RTN4IP1: variants seen among roughly 807,000 people sequenced by gnomAD.
RTN4IP1 encodes NAD(P)H oxidoreductase RTN4IP1, mitochondrial.
In RTN4IP1, 32 loss-of-function variants were observed where a neutral mutation model predicts 46.6. That is an observed-to-expected ratio of 0.69 (90% CI 0.52 to 0.92). RTN4IP1 has a LOEUF of 0.92. Among genes scored for constraint, RTN4IP1 ranks in the 40% least tolerant of loss-of-function variants. The probability of loss-of-function intolerance (pLI) is 0.00; values close to 1 mark genes in which losing one functional copy is unlikely to be tolerated. For missense variants in RTN4IP1, 424 were observed against 485.8 expected, an observed-to-expected ratio of 0.87 and a Z score of 1.20; for synonymous variants, 167 against 161.8, an observed-to-expected ratio of 1.03 and a Z score of -0.24.
chr6:106,615,185 G>A (rs1776318717), intron 4 of RTN4IP1, among the ~76,000 whole-genome samples: 2 of 152,102 alleles, frequency 1.3e-5, no homozygotes, highest in Admixed American at 1.3e-4. Context: ...AGGGTAATGG[G>A]CTTGGGGAGT....
At chr6:106,576,306 G>A (rs1358856780) in intron 8 of RTN4IP1, among the ~76,000 whole-genome samples, 1 of 152,202 alleles carries the variant, frequency 6.6e-6, no homozygotes, top group Non-Finnish European at 1.5e-5. Context: ...ATTTGGGAAA[G>A]CATCAAGGAC....
chr6:106,583,381 T>C lies in RTN4IP1; in HGVS notation c.1030A>G (p.Met344Val), dbSNP rs768014057. The change falls in exon 8 of 9, where the codon ATG becomes GTG. Residue 344 changes from methionine to valine, a missense_variant. Physicochemically the swap from Met to Val is conservative, Grantham distance 21. Coordinates refer to ENST00000369063, the MANE Select transcript of RTN4IP1 (RefSeq NM_032730.5). ...KGVHYRWAFFMASGPCLDDIA... is the reference protein window; with the variant it reads ...KGVHYRWAFFVASGPCLDDIA... ...TCATCTAAACATGGGCCACTGGCCA[T>C]GAAAAATGCCCAGCGATAATGGACT... The C allele has an allele frequency of 4.3e-6, 7 of 1,613,586 alleles. No homozygotes were observed. Among genetic ancestry groups the C allele is most frequent in the Non-Finnish European group, 5.1e-6 (6 of 1,179,758 alleles).
chr6:106,589,524 T>A (rs1304035094), intron 6 of RTN4IP1, among the ~76,000 whole-genome samples: 1 of 152,052 alleles, frequency 6.6e-6, no homozygotes, highest in African/African-American at 2.4e-5. Context: ...AGAACAGGCA[T>A]TGTCTGAGAA....
Position 106,628,753 on chromosome 6 carries a change from A to G in RTN4IP1, c.269T>C (p.Met90Thr), listed in dbSNP as rs1554199772. ...AASVNPIDVN[M>T]RSGYGATALN... ...AATGTCTTTTGAAAACTTACTTCTC[A>G]TATTAACGTCTATAGGATTTACACT... Residue 90 changes from methionine to threonine, a missense_variant, in exon 1 of 9, where the codon ATG (methionine) becomes ACG (threonine). By Grantham distance (81) the Met-to-Thr change is moderately conservative. Coordinates refer to ENST00000369063, the MANE Select transcript of RTN4IP1 (RefSeq NM_032730.5). The G allele has an allele frequency of 6.2e-7, 1 of 1,602,488 alleles. No homozygotes were observed. Among genetic ancestry groups the G allele is most frequent in the Non-Finnish European group, 8.5e-7 (1 of 1,171,002 alleles).
At chr6:106,574,119 T>A (rs58941127) in intron 8 of RTN4IP1, among the ~76,000 whole-genome samples, 1 of 152,146 alleles carries the variant, frequency 6.6e-6, no homozygotes, top group Admixed American at 6.5e-5. Flanking sequence ...CACTTTAGGG[T>A]GGACTGCATT....
chr6:106,574,261 T>C (rs1454370438), intron 8 of RTN4IP1, among the ~76,000 whole-genome samples: 4 of 151,902 alleles, frequency 2.6e-5, no homozygotes, highest in Non-Finnish European at 2.9e-5. Flanking sequence ...CTGGCCAACA[T>C]GGTGAAACCT....
intron 4 of RTN4IP1, 109 bp from the exon 5 acceptor site, chr6:106,603,031 G>T: frequency 1.3e-6 from 1 of 755,694 alleles, no homozygotes. Flanking sequence ...AATTCTAAAA[G>T]AAAATAAAGT....
chr6:106,573,653 A>G (rs1775142309), intron 8 of RTN4IP1, among the ~76,000 whole-genome samples: 1 of 152,228 alleles, frequency 6.6e-6, no homozygotes, highest in African/African-American at 2.4e-5. Flanking sequence ...TAAATCAAGG[A>G]ACAGAGTTAA....
intron 4 of RTN4IP1, among the ~76,000 whole-genome samples, chr6:106,611,566 G>A (rs960052247): frequency 4.6e-5 from 7 of 152,148 alleles, no homozygotes; most frequent in Non-Finnish European, 1.5e-5. Context: ...GCCTTGTGGA[G>A]GTTCTGAAAC....
intron 4 of RTN4IP1, among the ~76,000 whole-genome samples, chr6:106,615,676 C>T (rs1247467553): frequency 6.6e-6 from 1 of 152,054 alleles, no homozygotes; most frequent in Non-Finnish European, 1.5e-5. Flanking sequence ...TGAAGTACAA[C>T]TTTCCCGGCA....
At chr6:106,604,839 G>A (rs1776024253) in intron 4 of RTN4IP1, among the ~76,000 whole-genome samples, 1 of 152,134 alleles carries the variant, frequency 6.6e-6, no homozygotes, top group Non-Finnish European at 1.5e-5. Context: ...TTTGTACCTT[G>A]TGTGACTTCC....
chr6:106,592,336 G>A (rs1392971009), intron 5 of RTN4IP1, 36 bp from the exon 6 acceptor site: 4 of 1,599,954 alleles, frequency 2.5e-6, no homozygotes, highest in East Asian at 2.2e-5. Flanking sequence ...GAATAAAAAA[G>A]GGAGAGATTA....
In RTN4IP1 at chr6:106,619,199, T is replaced by C. The variant is rs1203244316; in HGVS notation, c.620+3A>G. 1.6e-5 allele frequency: 26 copies of C among 1,614,014 alleles called. No homozygotes were observed. The highest frequency in any genetic ancestry group is 5.3e-5 in the African/African-American group (4 of 74,936). ...AGATGCTGCCACTGACTGATACACT[T>C]ACCGTTTTCCTGTGCAATTCTTGTC... On this transcript the variant is annotated splice_donor_region_variant and intron_variant, in intron 4 of 8. Coordinates refer to ENST00000369063, the MANE Select transcript of RTN4IP1 (RefSeq NM_032730.5).
intron 8 of RTN4IP1, among the ~76,000 whole-genome samples, chr6:106,573,947 G>A (rs1039220486): frequency 2.6e-5 from 4 of 152,090 alleles, no homozygotes; most frequent in Non-Finnish European, 5.9e-5. Flanking sequence ...TGCCATCCAC[G>A]CCTATGGAGG....
intron 4 of RTN4IP1, among the ~76,000 whole-genome samples, chr6:106,615,886 TAAAAAG>T (rs1482667141): frequency 6.6e-6 from 1 of 152,124 alleles, no homozygotes. Context: ...GATGGGCTGA[TAAAAAG>T]AAAATAATTT....
intron 6 of RTN4IP1, among the ~76,000 whole-genome samples, chr6:106,588,089 T>C (rs1451712797): frequency 6.6e-6 from 1 of 152,228 alleles, no homozygotes; most frequent in Non-Finnish European, 1.5e-5. Context: ...ATGTGACTAA[T>C]TTTTGTCATA....
intron 1 of RTN4IP1, 25 bp downstream of exon 1, chr6:106,628,723 G>C (rs1276044835): frequency 1.3e-6 from 2 of 1,580,218 alleles, no homozygotes; most frequent in African/African-American, 2.7e-5. Context: ...TTTAAAAAAG[G>C]TAACAATGTC....
At position 106,587,756 on chromosome 6, in the gene RTN4IP1, G is replaced by A. The variant is rs563735498; in HGVS notation, c.913C>T (p.Leu305Phe). 1.2e-6 allele frequency: 2 copies of A among 1,613,960 alleles called. No individual in the cohort carries two copies. Among genetic ancestry groups the A allele is most frequent in the South Asian group, 2.2e-5 (2 of 91,082 alleles). The change falls in exon 7 of 9, where the codon CTC becomes TTC. Residue 305 changes from leucine (L) to phenylalanine (F), a missense_variant. Leu to Phe is a conservative substitution (Grantham distance 22). Transcript: ENST00000369063. ...ATYVTLVTPF[L>F]LNMDRLGIAD... ...ATGCCCAATCGGTCCATGTTCAGGAGGAAAGGAGTCACCAAAGTCACATAG... is the reference window on the plus strand; with the variant it reads ...ATGCCCAATCGGTCCATGTTCAGGAAGAAAGGAGTCACCAAAGTCACATAG...
At chr6:106,599,928 AC>A (rs1298091777) in intron 5 of RTN4IP1, among the ~76,000 whole-genome samples, 1 of 151,542 alleles carries the variant, frequency 6.6e-6, no homozygotes, top group Non-Finnish European at 1.5e-5. Context: ...TTATACTCTA[AC>A]CAACTGTGTA....
Sources: allele counts gnomAD v4.1 joint callset (sites outside exome capture counted in the v4.1 genomes callset), GRCh38; gene constraint gnomAD v4.1.1; transcripts MANE v1.5; gene names NCBI Gene and HGNC (gene_info 2026-07-23, HGNC 2026-07-21).